The following MACROD2 variants were observed in gnomAD, a reference collection of about 807,000 sequenced individuals.
The protein encoded by MACROD2 is ADP-ribose glycohydrolase MACROD2.
Under a neutral mutation model 70.4 loss-of-function variants are expected in MACROD2, and 36 were observed. That is an observed-to-expected ratio of 0.51 (90% CI 0.39 to 0.68). MACROD2 has a LOEUF of 0.68. Among genes scored for constraint, MACROD2 ranks in the 30% least tolerant of loss-of-function variants. MACROD2 has a pLI of 0.00. For missense variants in MACROD2, 496 were observed against 538.4 expected (o/e 0.92, Z 0.78); for synonymous variants, 172 against 178.8 (o/e 0.96, Z 0.30).
chr20:15,051,511 A>T (rs1027920809), intron 5 of MACROD2, among the ~76,000 whole-genome samples: 1 of 152,094 alleles, frequency 6.6e-6, no homozygotes, highest in Non-Finnish European at 1.5e-5. Flanking sequence ...GCCGCAGTCT[A>T]CACATGAAAT....
chr20:14,874,795 C>G (rs1198958727), intron 5 of MACROD2, among the ~76,000 whole-genome samples: 4 of 151,840 alleles, frequency 2.6e-5, no homozygotes, highest in Admixed American at 1.3e-4. Flanking sequence ...GCCTCCACCT[C>G]CTGGGTTCAG....
chr20:14,128,016 C>A (rs893765494), intron 3 of MACROD2: 2 of 550,650 alleles, frequency 3.6e-6, no homozygotes, highest in Admixed American at 3.9e-5. Context: ...TCCTTTTGAA[C>A]AGATGCAAAA....
At chr20:15,057,661 G>A (rs908704299) in intron 5 of MACROD2, among the ~76,000 whole-genome samples, 2 of 152,170 alleles carry the variant, frequency 1.3e-5, no homozygotes, top group Non-Finnish European at 2.9e-5. Flanking sequence ...GCTAGGCCAT[G>A]ACATCCCACA....
intron 2 of MACROD2, among the ~76,000 whole-genome samples, chr20:14,051,195 T>C (rs1485596223): frequency 1.3e-5 from 2 of 152,136 alleles, no homozygotes; most frequent in Non-Finnish European, 2.9e-5. Context: ...GAGGAAAGGA[T>C]GGAGGAATGA....
chr20:16,032,784 A>AG (rs1387043020), intron 15 of MACROD2, among the ~76,000 whole-genome samples: 1 of 114,720 alleles, frequency 8.7e-6, no homozygotes, highest in Non-Finnish European at 1.8e-5. Flanking sequence ...AGAGGAAGGA[A>AG]GGGCAGGAAG....
At chr20:15,565,092 T>C (rs2048293453) in intron 8 of MACROD2, among the ~76,000 whole-genome samples, 1 of 152,122 alleles carries the variant, frequency 6.6e-6, no homozygotes. Context: ...TAAAAGACAA[T>C]ATGGAGCAGC....
intron 2 of MACROD2, among the ~76,000 whole-genome samples, chr20:14,057,494 A>C (rs745411991): frequency 9.9e-5 from 15 of 152,156 alleles, no homozygotes; most frequent in Non-Finnish European, 1.3e-4. Flanking sequence ...TAATATTAAC[A>C]CTCAGCAGAA....
At chr20:14,020,092 A>G (rs1234109724) in intron 2 of MACROD2, among the ~76,000 whole-genome samples, 1 of 152,210 alleles carries the variant, frequency 6.6e-6, no homozygotes, top group African/African-American at 2.4e-5. Context: ...TCCTGGATAC[A>G]CCAATCAGGC....
chr20:14,998,761 A>G (rs966935750), intron 5 of MACROD2, among the ~76,000 whole-genome samples: 6 of 152,350 alleles, frequency 3.9e-5, no homozygotes, highest in Middle Eastern at 3.4e-3. Context: ...GAAAGATATC[A>G]ACGTGCAAGT....
chr20:15,082,131 T>C (rs982296779), intron 5 of MACROD2, among the ~76,000 whole-genome samples: 3 of 152,180 alleles, frequency 2.0e-5, no homozygotes, highest in Non-Finnish European at 4.4e-5. Flanking sequence ...ATTGTGAGAA[T>C]TAAGGACCAC....
At chr20:14,039,755 G>A (rs997729659) in intron 2 of MACROD2, among the ~76,000 whole-genome samples, 3 of 150,518 alleles carry the variant, frequency 2.0e-5, no homozygotes, top group African/African-American at 7.3e-5. Context: ...TGATATAATT[G>A]TCTTTTGTTT....
chr20:14,115,914 A>G (rs1407513705), intron 3 of MACROD2, among the ~76,000 whole-genome samples: 1 of 152,218 alleles, frequency 6.6e-6, no homozygotes, highest in Middle Eastern at 3.2e-3. Context: ...TTCAAACATT[A>G]TCATTCACAT....
intron 6 of MACROD2, among the ~76,000 whole-genome samples, chr20:15,330,532 T>C (rs1010147051): frequency 6.6e-6 from 1 of 151,566 alleles, no homozygotes; most frequent in Non-Finnish European, 1.5e-5. Flanking sequence ...TGGAAGATTA[T>C]AAGCAGACCA....
chr20:15,080,810 T>C (rs2075697744), intron 5 of MACROD2, among the ~76,000 whole-genome samples: 1 of 152,126 alleles, frequency 6.6e-6, no homozygotes, highest in Admixed American at 6.6e-5. Flanking sequence ...ATTAGTATCC[T>C]CTTTAACTTA....
intron 3 of MACROD2, among the ~76,000 whole-genome samples, chr20:14,317,610 C>T (rs2082624205): frequency 8.7e-6 from 1 of 114,788 alleles, no homozygotes; most frequent in East Asian, 2.7e-4. Context: ...TAGAGTGAGA[C>T]TGTCTCAAAA....
intron 10 of MACROD2, among the ~76,000 whole-genome samples, chr20:15,925,625 C>T (rs779550050): frequency 6.6e-6 from 1 of 152,184 alleles, no homozygotes; most frequent in African/African-American, 2.4e-5. Context: ...AATCCTTCCA[C>T]AGGTATTTGT....
intron 8 of MACROD2, among the ~76,000 whole-genome samples, chr20:15,782,547 G>A (rs1413048141): frequency 1.3e-5 from 2 of 151,846 alleles, no homozygotes; most frequent in Non-Finnish European, 2.9e-5. Context: ...CAACATGGCA[G>A]CTGGGTTCTA....
At chr20:14,637,010 A>C (rs1190844153) in intron 4 of MACROD2, among the ~76,000 whole-genome samples, 2 of 152,210 alleles carry the variant, frequency 1.3e-5, no homozygotes, top group African/African-American at 4.8e-5. Context: ...GTAGATAAAA[A>C]TAATCTCTGA....
intron 3 of MACROD2, among the ~76,000 whole-genome samples, chr20:14,464,216 G>A (rs1311981287): frequency 6.6e-6 from 1 of 152,018 alleles, no homozygotes; most frequent in Non-Finnish European, 1.5e-5. Context: ...TTCAGAGCCT[G>A]TTATTGGTCT....
Sources: allele counts gnomAD v4.1 joint callset (sites outside exome capture counted in the v4.1 genomes callset), GRCh38; gene constraint gnomAD v4.1.1; transcripts MANE v1.5; gene names NCBI Gene and HGNC (gene_info 2026-07-23, HGNC 2026-07-21).